The following MTFR1 variants were observed in gnomAD, a reference collection of about 807,000 sequenced individuals.
The protein encoded by MTFR1 is chondrocyte protein with a poly-proline region.
In MTFR1, 28 loss-of-function variants were observed where a neutral mutation model predicts 38.8. The observed-to-expected ratio is 0.72, with a 90% CI of 0.53 to 0.99. The LOEUF is 0.99. Ranked by LOEUF, MTFR1 falls within the 50% of genes least tolerant of loss-of-function variation. The probability of loss-of-function intolerance (pLI) is 0.00; values close to 1 mark genes in which losing one functional copy is unlikely to be tolerated. For synonymous variants in MTFR1, 145 were observed against 137.0 expected, an observed-to-expected ratio of 1.06 and a Z score of -0.41; for missense variants, 358 against 395.5, an observed-to-expected ratio of 0.91 and a Z score of 0.81.
intron 3 of MTFR1, among the ~76,000 whole-genome samples, chr8:65,732,276 G>A (rs917533420): frequency 6.6e-6 from 1 of 152,108 alleles, no homozygotes; most frequent in African/African-American, 2.4e-5. Flanking sequence ...TGGGATTACA[G>A]GCGTGAGCCA....
At chr8:65,713,487 C>CAAAACA (rs1806017266), downstream of MTFR1, among the ~76,000 whole-genome samples, 1 of 146,804 alleles carries the variant, frequency 6.8e-6, no homozygotes. Flanking sequence ...CACACACAAA[C>CAAAACA]AAAACAAAAA....
intron 3 of MTFR1, chr8:65,682,711 T>C (rs937247234): frequency 6.4e-6 from 6 of 939,788 alleles, no homozygotes; most frequent in Admixed American, 1.2e-4. Flanking sequence ...AGCTAAGCAG[T>C]TGTTAATTCC....
intron 1 of MTFR1, among the ~76,000 whole-genome samples, chr8:65,651,795 G>C (rs192239969): frequency 6.6e-6 from 1 of 152,078 alleles, no homozygotes; most frequent in East Asian, 1.9e-4. Context: ...TAAATTTTAG[G>C]ATTATGTTTT....
intron 4 of MTFR1, among the ~76,000 whole-genome samples, chr8:65,703,843 A>G (rs1173611897): frequency 6.6e-6 from 1 of 152,094 alleles, no homozygotes; most frequent in Non-Finnish European, 1.5e-5. Context: ...TGTCTTTGTA[A>G]TCTAGTTCTT....
intron 3 of MTFR1, among the ~76,000 whole-genome samples, chr8:65,767,757 C>A (rs753604330): frequency 1.1e-4 from 16 of 152,100 alleles, no homozygotes; most frequent in Non-Finnish European, 2.1e-4. Context: ...GTTCTGCACC[C>A]CTTCCCCCAT....
chr8:65,656,554 T>C (rs548366053), intron 1 of MTFR1, among the ~76,000 whole-genome samples: 6 of 147,194 alleles, frequency 4.1e-5, no homozygotes, highest in Non-Finnish European at 7.4e-5. Context: ...CAGGCTGGAG[T>C]GCAATGGCGC....
chr8:65,696,670 T>A (rs75489572), intron 4 of MTFR1, among the ~76,000 whole-genome samples: 12 of 152,302 alleles, frequency 7.9e-5, no homozygotes, highest in African/African-American at 2.4e-4. Flanking sequence ...CTTTTTTTTT[T>A]ATTTTTTTGA....
chr8:65,713,383 G>C (rs1444982539), downstream of MTFR1, among the ~76,000 whole-genome samples: 5 of 150,992 alleles, frequency 3.3e-5, 1 homozygote, highest in Non-Finnish European at 7.4e-5. Flanking sequence ...GGAGGTTGCA[G>C]TGAGCCAAGA....
At chr8:65,685,302 A>G (rs1431103641) in intron 3 of MTFR1, among the ~76,000 whole-genome samples, 1 of 152,238 alleles carries the variant, frequency 6.6e-6, no homozygotes, top group Non-Finnish European at 1.5e-5. Context: ...GCAAGTGGAC[A>G]TCATTATACT....
intron 3 of MTFR1, among the ~76,000 whole-genome samples, chr8:65,736,789 TG>T (rs1336823066): frequency 9.1e-5 from 8 of 87,620 alleles, no homozygotes; most frequent in African/African-American, 1.5e-4. Flanking sequence ...TAAATTTATC[TG>T]TTTTTTTTTT....
intron 2 of MTFR1, among the ~76,000 whole-genome samples, chr8:65,675,662 C>T (rs1038070815): frequency 2.0e-5 from 3 of 152,128 alleles, no homozygotes; most frequent in Middle Eastern, 3.2e-3. Context: ...CTCATAGGCT[C>T]ATGAAGCAGA....
chr8:65,673,418 TG>T (rs1365891873), intron 2 of MTFR1, among the ~76,000 whole-genome samples: 1 of 98,006 alleles, frequency 1.0e-5, no homozygotes, highest in African/African-American at 4.1e-5. Flanking sequence ...AGTCAGGGCC[TG>T]GCCTGTAGAG....
chr8:65,771,097 A>T (rs968021123), exon 4 of MTFR1: 6 of 331,832 alleles, frequency 1.8e-5, no homozygotes, highest in Non-Finnish European at 3.6e-5. Flanking sequence ...TGGCATCTAC[A>T]TAATAAAATG....
chr8:65,708,126 T>C (rs1315973628), intron 7 of MTFR1, 115 bp downstream of exon 7: 4 of 1,596,776 alleles, frequency 2.5e-6, no homozygotes, highest in East Asian at 2.2e-5. Flanking sequence ...AGGGAGGTGA[T>C]ACAGGATTTG....
chr8:65,668,031 T>TA (rs2129050698), intron 1 of MTFR1, among the ~76,000 whole-genome samples: 2 of 152,276 alleles, frequency 1.3e-5, no homozygotes, highest in East Asian at 3.9e-4. Flanking sequence ...TCTCTGTTGT[T>TA]ATCTATAAAG....
Position 65,709,123 on chromosome 8 carries a change from G to A in MTFR1, c.*79G>A. On this transcript the variant is annotated 3_prime_UTR_variant, in exon 8 of 8. Coordinates refer to ENST00000262146, the MANE Select transcript of MTFR1 (RefSeq NM_014637.4). ...AAGTTTGCTAGTAGAAATCGACACT[G>A]TTTAGTAAATACCTCTTTAGTATTC... The A allele has an allele frequency of 1.6e-6, 2 of 1,259,746 alleles. No homozygotes were observed. The highest frequency in any genetic ancestry group is 1.2e-6 in the Non-Finnish European group (1 of 859,154). The allele number at this position is 1,259,746 out of a possible 1,614,324, so 78.0% of individuals were successfully genotyped here.
In MTFR1 at chr8:65,730,578, G is replaced by A. The variant is rs184110524; in HGVS notation, c.*48+11097G>A. ...CCCATCCAAGGAAATATTGTCTTCC[G>A]TGAAACTGGTCCCTGATGCCAAAAA... On this transcript the variant is annotated intron_variant, in intron 3 of 3. Transcript: ENST00000521247. Among the ~76,000 whole-genome samples, 8 of 152,186 alleles carry A rather than the reference G, an allele frequency of 5.3e-5. No individual in the cohort carries two copies. In the East Asian group the frequency reaches 5.8e-4, roughly 11 times the overall value.
downstream of MTFR1, among the ~76,000 whole-genome samples, chr8:65,774,717 A>T (rs144293732): frequency 5.9e-5 from 9 of 151,968 alleles, no homozygotes; most frequent in African/African-American, 2.2e-4. Flanking sequence ...AAATTTATTT[A>T]AAAAATTTAT....
intron 3 of MTFR1, among the ~76,000 whole-genome samples, chr8:65,769,296 T>A (rs1018750822): frequency 3.3e-5 from 5 of 151,308 alleles, no homozygotes; most frequent in African/African-American, 9.7e-5. Context: ...CATATTTTTT[T>A]TAAAAAATTG....
Sources: allele counts gnomAD v4.1 joint callset (sites outside exome capture counted in the v4.1 genomes callset), GRCh38; gene constraint gnomAD v4.1.1; transcripts MANE v1.5; gene names NCBI Gene and HGNC (gene_info 2026-07-23, HGNC 2026-07-21).